The following RGL1 variants were observed in gnomAD, a reference collection of about 807,000 sequenced individuals.
RGL1 encodes ral guanine nucleotide dissociation stimulator like 1.
Under a neutral mutation model 95.2 loss-of-function variants are expected in RGL1, and 24 were observed. That is an observed-to-expected ratio of 0.25 (90% CI 0.18 to 0.35). The LOEUF (loss-of-function observed/expected upper bound fraction) is 0.35, where lower values mean the gene tolerates loss of function less well. Among genes scored for constraint, RGL1 ranks in the 10% least tolerant of loss-of-function variants. RGL1 has a pLI of 1.00. For synonymous variants in RGL1, 329 were observed against 344.9 expected (o/e 0.95, Z 0.51); for missense variants, 715 against 936.3 (o/e 0.76, Z 3.08).
rs776471890 is a variant in RGL1 at position 183,648,106 on chromosome 1, C to T, written c.-33+11605C>T. 2.1e-5 allele frequency: 34 copies of T among 1,614,092 alleles called. 1 individual carries two copies. The highest frequency in any genetic ancestry group is 1.6e-4 in the South Asian group (15 of 91,088). ...CCTGTTATGGCATTGATTTCATATG[C>T]GTTGTGCCTGTCAGCCAGTGCTCTC... On this transcript the variant is annotated intron_variant, in intron 1 of 18. Coordinates refer to the RGL1 transcript ENST00000304685.
intron 12 of RGL1, among the ~76,000 whole-genome samples, chr1:183,903,939 A>G (rs762753151): frequency 6.6e-6 from 1 of 152,244 alleles, no homozygotes; most frequent in Non-Finnish European, 1.5e-5. Flanking sequence ...GGCCGAGGTC[A>G]CTGGATGGCA....
In RGL1 at chr1:183,822,479, C is replaced by G. The variant is rs527913246; in HGVS notation, c.138+15994C>G. 9.9e-5 allele frequency among the ~76,000 whole-genome samples: 15 copies of G among 152,144 alleles called. No individual in the cohort carries two copies. In the South Asian group the frequency reaches 1.5e-3, roughly 15 times the overall value. ...TTTTGCCCTGGTGAATTAGATTACCCTAGGAATTGGCAGAGGAACAGGCGG... is the reference window on the plus strand; with the variant it reads ...TTTTGCCCTGGTGAATTAGATTACCGTAGGAATTGGCAGAGGAACAGGCGG... On this transcript the variant is annotated intron_variant, in intron 2 of 17. Coordinates refer to ENST00000360851, the MANE Select transcript of RGL1 (RefSeq NM_001297671.3).
At chr1:183,658,688 A>G (rs1651376876) in intron 1 of RGL1, among the ~76,000 whole-genome samples, 1 of 152,024 alleles carries the variant, frequency 6.6e-6, no homozygotes, top group Admixed American at 6.5e-5. Context: ...TCCCTGTCTG[A>G]CAGCTTTGAA....
intron 2 of RGL1, among the ~76,000 whole-genome samples, chr1:183,779,806 T>C (rs1218922716): frequency 6.6e-6 from 1 of 152,140 alleles, no homozygotes; most frequent in Non-Finnish European, 1.5e-5. Flanking sequence ...CTTTTTTTTT[T>C]TGAATGATAG....
intron 1 of RGL1, among the ~76,000 whole-genome samples, chr1:183,636,662 G>A (rs1423435165): frequency 6.6e-6 from 1 of 152,116 alleles, no homozygotes; most frequent in Non-Finnish European, 1.5e-5. Context: ...GGGTAGGTTA[G>A]GCTCTCTAGT....
rs1434897609 is a variant in RGL1, at chr1:183,811,311, A to G, written c.138+4826A>G. On this transcript the variant is annotated intron_variant, in intron 2 of 17. Transcript: ENST00000360851. ...ATGTTGAAGAAAAAAAAGGCAATGC[A>G]TGAGTTAAAAAGCATTGGCTAGCAT... Among the ~76,000 whole-genome samples the G allele has an allele frequency of 2.0e-5, 3 of 152,236 alleles. No homozygotes were observed. The East Asian group carries it at 5.8e-4, about 29-fold the overall frequency.
intron 2 of RGL1, among the ~76,000 whole-genome samples, chr1:183,775,128 C>A (rs891328877): frequency 6.6e-6 from 1 of 152,196 alleles, no homozygotes; most frequent in African/African-American, 2.4e-5. Flanking sequence ...TCAGCTGCAG[C>A]ACCCGATTAA....
Position 183,866,011 on chromosome 1 carries a change from A to G in RGL1, c.363A>G (p.Thr121=). 6.2e-7 allele frequency: 1 copy of G among 1,613,914 alleles called. No homozygotes were observed. Among genetic ancestry groups the G allele is most frequent in the Non-Finnish European group, 8.5e-7 (1 of 1,179,834 alleles). Residue 121 remains threonine (T), a synonymous_variant, in exon 4 of 18, where the codon ACA becomes ACG. Transcript: ENST00000360851. ...ATCTCTACAGGTATGGAAACCTGAC[A>G]AGCCCAAACTGTGAAGAAGATGGAA... ...ELLLDRYGNL[T]SPNCEEDGSQ...
intron 2 of RGL1, among the ~76,000 whole-genome samples, chr1:183,832,916 A>G (rs1663360203): frequency 6.6e-6 from 1 of 151,152 alleles, no homozygotes; most frequent in African/African-American, 2.4e-5. Flanking sequence ...CTCCAGGGAT[A>G]TCACAGGAGG....
chr1:183,724,589 G>A lies in RGL1; in HGVS notation c.-32-17537G>A, dbSNP rs1027784214. Among the ~76,000 whole-genome samples the A allele has an allele frequency of 3.3e-5, 5 of 152,106 alleles. No individual in the cohort carries two copies. The highest frequency in any genetic ancestry group is 7.4e-5 in the Non-Finnish European group (5 of 68,018). On this transcript the variant is annotated intron_variant, in intron 1 of 18. Transcript: ENST00000304685. The surrounding 1 kb of genome is among the most constrained non-coding windows in gnomAD (Gnocchi z 4.1). ...AAGAGAGACTCCTCTGCTTGTGGAAGGGGGAGGGAGGAGTATGAGGGACTT... is the reference window on the plus strand; with the variant it reads ...AAGAGAGACTCCTCTGCTTGTGGAAAGGGGAGGGAGGAGTATGAGGGACTT...
At chr1:183,716,956 G>A (rs886871608) in intron 1 of RGL1, among the ~76,000 whole-genome samples, 15 of 152,106 alleles carry the variant, frequency 9.9e-5, no homozygotes, top group African/African-American at 3.4e-4. Flanking sequence ...CCAAGTCTGG[G>A]GGCTCTTTTG....
chr1:183,804,838 C>T (rs1661177971), upstream of RGL1, among the ~76,000 whole-genome samples: 1 of 152,216 alleles, frequency 6.6e-6, no homozygotes, highest in Admixed American at 6.5e-5. Context: ...TGGACTTTCT[C>T]CTTCCATTGT....
At chr1:183,644,275 TAAATTATCTGTGCCAC>T (rs1650138361) in intron 1 of RGL1, among the ~76,000 whole-genome samples, 1 of 152,186 alleles carries the variant, frequency 6.6e-6, no homozygotes, top group Non-Finnish European at 1.5e-5. Flanking sequence ...GGCAGTTACT[TAAATTATCTGTGCCAC>T]AATTTCCTTA....
At chr1:183,878,023 T>G (rs1263305811) in intron 4 of RGL1, among the ~76,000 whole-genome samples, 1 of 152,168 alleles carries the variant, frequency 6.6e-6, no homozygotes, top group East Asian at 1.9e-4. Context: ...CTTAAATACC[T>G]GCCTTCCAGT....
intron 2 of RGL1, among the ~76,000 whole-genome samples, chr1:183,779,238 ACCTT>A (rs1659775381): frequency 9.9e-6 from 1 of 100,714 alleles, no homozygotes; most frequent in African/African-American, 4.0e-5. Flanking sequence ...CCTCCCTCCC[ACCTT>A]CCTTCCTCTT....
intron 4 of RGL1, among the ~76,000 whole-genome samples, chr1:183,876,934 A>C (rs1666529600): frequency 6.6e-6 from 1 of 152,216 alleles, no homozygotes; most frequent in Non-Finnish European, 1.5e-5. Flanking sequence ...AGTAGTTGTA[A>C]GACTGTTGAT....
intron 17 of RGL1, 21 bp from the exon 18 acceptor site, chr1:183,926,084 A>C: frequency 6.2e-7 from 1 of 1,606,332 alleles, no homozygotes; most frequent in Non-Finnish European, 8.5e-7. Flanking sequence ...TGACCATCTT[A>C]TCTTTCCTTA....
chr1:183,832,727 C>T (rs1039664273), intron 2 of RGL1, among the ~76,000 whole-genome samples: 5 of 152,162 alleles, frequency 3.3e-5, no homozygotes, highest in African/African-American at 7.2e-5. Flanking sequence ...GTCACTTAGC[C>T]TCTCTGGGTC....
chr1:183,868,924 G>T (rs10797916), intron 4 of RGL1, among the ~76,000 whole-genome samples: 1 of 152,024 alleles, frequency 6.6e-6, no homozygotes, highest in African/African-American at 2.4e-5. Context: ...AAACCAGCCT[G>T]GGCAACGTAG....
Sources: allele counts gnomAD v4.1 joint callset (sites outside exome capture counted in the v4.1 genomes callset), GRCh38; gene constraint gnomAD v4.1.1; non-coding constraint Gnocchi (gnomAD v3.1); transcripts MANE v1.5; gene names NCBI Gene and HGNC (gene_info 2026-07-23, HGNC 2026-07-21).